The following ENOX1 variants were observed in gnomAD, a reference collection of about 807,000 sequenced individuals.
ENOX1 encodes candidate growth-related and time keeping constitutive hydroquinone (NADH) oxidase.
A neutral mutation model predicts 82.5 loss-of-function variants in ENOX1; 42 were observed. That is an observed-to-expected ratio of 0.51 (90% CI 0.40 to 0.66). The LOEUF (loss-of-function observed/expected upper bound fraction) is 0.66, where lower values mean the gene tolerates loss of function less well. Among genes scored for constraint, ENOX1 ranks in the 30% least tolerant of loss-of-function variants. ENOX1 has a pLI of 0.00. For synonymous variants in ENOX1, 271 were observed against 282.2 expected (o/e 0.96, Z 0.40); for missense variants, 608 against 811.6 (o/e 0.75, Z 3.05).
chr13:43,607,592 A>G (rs2082031592), intron 2 of ENOX1, among the ~76,000 whole-genome samples: 1 of 152,172 alleles, frequency 6.6e-6, no homozygotes, highest in Non-Finnish European at 1.5e-5. Context: ...ACATTATTAC[A>G]TATCATCTGA....
At chr13:43,425,867 T>C in intron 3 of ENOX1, among the ~76,000 whole-genome samples, 1 of 152,208 alleles carries the variant, frequency 6.6e-6, no homozygotes, top group East Asian at 1.9e-4. Flanking sequence ...AATTACTGAG[T>C]GTGCACCATT....
At chr13:43,402,527 A>C (rs1383922857) in intron 5 of ENOX1, among the ~76,000 whole-genome samples, 1 of 152,254 alleles carries the variant, frequency 6.6e-6, no homozygotes, top group African/African-American at 2.4e-5. Context: ...AGTCCAGCAC[A>C]GTCTGTTAGA....
At chr13:43,716,173 T>TC (rs770002927) in intron 1 of ENOX1, among the ~76,000 whole-genome samples, 4 of 152,218 alleles carry the variant, frequency 2.6e-5, no homozygotes, top group Non-Finnish European at 4.4e-5. Flanking sequence ...CTCTGTTTTT[T>TC]CCCCATCTTT....
At chr13:43,229,612 TTA>T (rs938931372) in intron 15 of ENOX1, among the ~76,000 whole-genome samples, 2 of 152,156 alleles carry the variant, frequency 1.3e-5, no homozygotes, top group Non-Finnish European at 2.9e-5. Flanking sequence ...ATGATCTGAA[TTA>T]TGTTTTAAAA....
chr13:43,342,374 T>A (rs563020135), intron 9 of ENOX1, among the ~76,000 whole-genome samples: 1 of 152,108 alleles, frequency 6.6e-6, no homozygotes, highest in East Asian at 1.9e-4. Context: ...ATGGCAGATA[T>A]ATAAAAAGTA....
At chr13:43,565,246 A>G (rs1234148734) in intron 2 of ENOX1, among the ~76,000 whole-genome samples, 1 of 152,184 alleles carries the variant, frequency 6.6e-6, no homozygotes, top group East Asian at 1.9e-4. Flanking sequence ...GAACAAAGAC[A>G]TTATGGCTGG....
At chr13:43,612,514 T>C (rs1199966978) in intron 2 of ENOX1, among the ~76,000 whole-genome samples, 3 of 151,956 alleles carry the variant, frequency 2.0e-5, no homozygotes, top group African/African-American at 7.2e-5. Flanking sequence ...AGGTCCGATT[T>C]TTTTTGCAAA....
chr13:43,781,988 G>A (rs962255781), intron 1 of ENOX1, among the ~76,000 whole-genome samples: 1 of 152,142 alleles, frequency 6.6e-6, no homozygotes, highest in Non-Finnish European at 1.5e-5. Context: ...ATTTGGGTGG[G>A]TAAGAGTTTA....
chr13:43,257,941 G>A (rs1189483068), intron 14 of ENOX1, among the ~76,000 whole-genome samples: 1 of 152,184 alleles, frequency 6.6e-6, no homozygotes, highest in Non-Finnish European at 1.5e-5. Flanking sequence ...CTGGCCTGGA[G>A]GAAGAAGGTA....
At chr13:43,666,063 A>C (rs2084962264) in intron 2 of ENOX1, among the ~76,000 whole-genome samples, 1 of 151,896 alleles carries the variant, frequency 6.6e-6, no homozygotes. Flanking sequence ...TTAATTGTGC[A>C]ATAGCATTAT....
chr13:43,691,298 G>A (rs994103871), intron 1 of ENOX1, among the ~76,000 whole-genome samples: 10 of 151,692 alleles, frequency 6.6e-5, no homozygotes, highest in South Asian at 4.2e-4. Context: ...ATCTTAGTCC[G>A]GGTGCCCATC....
chr13:43,260,244 TAAG>T (rs1031854893), intron 14 of ENOX1, among the ~76,000 whole-genome samples: 1 of 152,256 alleles, frequency 6.6e-6, no homozygotes, highest in African/African-American at 2.4e-5. Context: ...TTTACTTTCT[TAAG>T]GAGGTGACGT....
At chr13:43,694,784 T>C (rs1439709869) in intron 1 of ENOX1, among the ~76,000 whole-genome samples, 1 of 152,186 alleles carries the variant, frequency 6.6e-6, no homozygotes, top group African/African-American at 2.4e-5. Context: ...CTACCCTTCC[T>C]CAGTGACTTC....
chr13:43,251,832 T>G (rs1042821622), intron 14 of ENOX1, among the ~76,000 whole-genome samples: 15 of 152,178 alleles, frequency 9.9e-5, no homozygotes, highest in African/African-American at 3.6e-4. Flanking sequence ...ACCAGGCTGA[T>G]GGTTATTCCA....
intron 1 of ENOX1, among the ~76,000 whole-genome samples, chr13:43,713,630 G>A (rs188280494): frequency 1.3e-3 from 197 of 152,230 alleles, no homozygotes; most frequent in African/African-American, 4.5e-3. Context: ...CTTCTTCCTG[G>A]TTTAGTCTTG....
Position 43,221,681 on chromosome 13 carries a change from A to G in ENOX1, c.1800+2372T>C, listed in dbSNP as rs1321631364. Among the ~76,000 whole-genome samples, 4 of 152,252 alleles carry G rather than the reference A, an allele frequency of 2.6e-5. No individual in the cohort carries two copies. In the South Asian group the frequency reaches 6.2e-4, roughly 24 times the overall value. On this transcript the variant is annotated intron_variant, in intron 16 of 16. Coordinates refer to ENST00000690772, the MANE Select transcript of ENOX1 (RefSeq NM_001347969.2). The stretch of plus-strand genomic sequence containing the variant: ...CAGGAATAATATTTAACTGGAAAAT[A>G]GCTTATTATTGGGCTACATGGTTTT...
rs550974702 is a variant in ENOX1 at position 43,333,880 on chromosome 13, C to T, written c.1037-7355G>A. On this transcript the variant is annotated intron_variant, in intron 9 of 16. Transcript: ENST00000690772. ...TCAAGTGATTCACCCGCCTCGGCCT[C>T]GCAAAGTGCTGGGATTACAGGCATG... Among the ~76,000 whole-genome samples, 4 of 152,348 alleles carry T rather than the reference C, an allele frequency of 2.6e-5. No homozygotes were observed. The East Asian group carries it at 7.7e-4, about 29-fold the overall frequency.
At chr13:43,666,548 A>G (rs2084989877) in intron 2 of ENOX1, among the ~76,000 whole-genome samples, 1 of 152,184 alleles carries the variant, frequency 6.6e-6, no homozygotes, top group South Asian at 2.1e-4. Context: ...TGAGGCTGCC[A>G]GAAGGTAGAA....
At chr13:43,604,624 G>A (rs2081897281) in intron 2 of ENOX1, among the ~76,000 whole-genome samples, 1 of 152,088 alleles carries the variant, frequency 6.6e-6, no homozygotes, top group Non-Finnish European at 1.5e-5. Context: ...GTGTCACATT[G>A]ATTCATTTGC....
Sources: allele counts gnomAD v4.1 joint callset (sites outside exome capture counted in the v4.1 genomes callset), GRCh38; gene constraint gnomAD v4.1.1; transcripts MANE v1.5; gene names NCBI Gene and HGNC (gene_info 2026-07-23, HGNC 2026-07-21).